The following MBNL2 variants were observed in gnomAD, a reference collection of about 807,000 sequenced individuals.
The protein encoded by MBNL2 is muscleblind like splicing regulator 2.
MBNL2 carries 17 observed loss-of-function variants against 41.9 expected under a neutral mutation model. The ratio of observed to expected loss-of-function variants is 0.41; its 90% CI spans 0.28 to 0.61. The LOEUF is 0.61. MBNL2 is among the 20% of genes least tolerant of loss of function. The pLI, the probability that MBNL2 is intolerant of heterozygous loss-of-function variation, is 0.35. For missense variants in MBNL2, 336 were observed against 505.6 expected (o/e 0.66, Z 3.22); for synonymous variants, 195 against 182.9 (o/e 1.07, Z -0.53).
chr13:97,260,380 G>T (rs995582159), intron 1 of MBNL2, among the ~76,000 whole-genome samples: 1 of 152,218 alleles, frequency 6.6e-6, no homozygotes, highest in Non-Finnish European at 1.5e-5. Flanking sequence ...GGAGCCATTG[G>T]AGGTTCCTGG....
At chr13:97,180,077 A>T in the MBNL2 span, among the ~76,000 whole-genome samples, 235 of 152,360 alleles carry the variant, frequency 1.5e-3, 2 homozygotes, top group African/African-American at 5.5e-3. Flanking sequence ...GTGCAGATGG[A>T]AGATTACGGT....
rs957259163 is a variant in MBNL2, at chr13:97,240,865, T to G, written c.-605+18334T>G. Among the ~76,000 whole-genome samples the G allele has an allele frequency of 2.0e-5, 3 of 152,200 alleles. No homozygotes were observed. The South Asian group carries it at 6.2e-4, about 31-fold the overall frequency. On this transcript the variant is annotated intron_variant, in intron 1 of 8. Transcript: ENST00000679496. The stretch of plus-strand genomic sequence containing the variant: ...AACGAGCTCCGTGATAGGCCATGCC[T>G]TGAGCTGTTTTGGCACAGATAAAAT...
chr13:97,380,891 T>C (rs989928003), intron 8 of MBNL2, among the ~76,000 whole-genome samples: 1 of 152,090 alleles, frequency 6.6e-6, no homozygotes, highest in Non-Finnish European at 1.5e-5. Flanking sequence ...CTTAACTACT[T>C]ACCGCACTGC....
intron 8 of MBNL2, among the ~76,000 whole-genome samples, chr13:97,389,055 C>A (rs965247541): frequency 6.6e-6 from 1 of 152,136 alleles, no homozygotes; most frequent in Non-Finnish European, 1.5e-5. Context: ...GTTCAATAGT[C>A]CCAGGGCTCA....
intron 5 of MBNL2, among the ~76,000 whole-genome samples, chr13:97,356,527 T>C (rs1374732278): frequency 1.3e-5 from 2 of 152,350 alleles, no homozygotes; most frequent in Non-Finnish European, 2.9e-5. Flanking sequence ...CTCTCTTATA[T>C]GCTTTTAACT....
chr13:97,361,321 T>C (rs568887786), intron 7 of MBNL2, among the ~76,000 whole-genome samples: 2 of 152,136 alleles, frequency 1.3e-5, no homozygotes, highest in African/African-American at 4.8e-5. Flanking sequence ...AGCATCCCAG[T>C]TGGGACATGG....
chr13:97,300,322 ACTAT>A (rs544413475), intron 2 of MBNL2, among the ~76,000 whole-genome samples: 24 of 152,178 alleles, frequency 1.6e-4, no homozygotes, highest in Non-Finnish European at 3.4e-4. Context: ...TGGACAGCTA[ACTAT>A]CTTCTTCACC....
chr13:97,300,809 G>A (rs1436390869), intron 2 of MBNL2, among the ~76,000 whole-genome samples: 2 of 152,180 alleles, frequency 1.3e-5, no homozygotes, highest in Non-Finnish European at 2.9e-5. Context: ...TAATCTGGTA[G>A]GAATTATACC....
At chr13:97,318,275 A>G (rs2059221687) in intron 2 of MBNL2, among the ~76,000 whole-genome samples, 1 of 152,232 alleles carries the variant, frequency 6.6e-6, no homozygotes, top group Non-Finnish European at 1.5e-5. Context: ...TTATAACCAT[A>G]TGAATGTGTG....
At chr13:97,352,196 G>A (rs577543097) in intron 5 of MBNL2, among the ~76,000 whole-genome samples, 4 of 127,486 alleles carry the variant, frequency 3.1e-5, no homozygotes, top group African/African-American at 1.3e-4. Flanking sequence ...GTTCACTGGA[G>A]TAGCACTTTT....
chr13:97,242,940 G>A (rs1256194828), intron 1 of MBNL2, among the ~76,000 whole-genome samples: 1 of 152,168 alleles, frequency 6.6e-6, no homozygotes, highest in East Asian at 1.9e-4. Context: ...ACTGAGCAGG[G>A]CTCCGCACGC....
At position 97,347,017 on chromosome 13, in the gene MBNL2, A is replaced by T. The variant is rs2061936153; in HGVS notation, c.754A>T (p.Asn252Tyr). 2 of 1,613,030 alleles carry T rather than the reference A, an allele frequency of 1.2e-6. No homozygotes were observed. Among genetic ancestry groups the T allele is most frequent in the East Asian group, 2.2e-5 (1 of 44,846 alleles). Residue 252 changes from asparagine (N) to tyrosine (Y), a missense_variant, in exon 5 of 9, where the codon AAC (asparagine) becomes TAC (tyrosine). Transcript: ENST00000679496. ...AKIKAAQHQA[N>Y]QAAVAAQAAA... is the part of the protein sequence containing the mutation. ...AATCAAAGCTGCGCAGCACCAAGCC[A>T]ACCAAGCTGCGGTGGCCGCCCAGGC... is the stretch of plus-strand genomic sequence containing the variant.
chr13:97,248,845 C>A (rs1322866092), intron 1 of MBNL2, among the ~76,000 whole-genome samples: 1 of 152,036 alleles, frequency 6.6e-6, no homozygotes, highest in Non-Finnish European at 1.5e-5. Context: ...TTATTAGAAG[C>A]AATAATGAGC....
chr13:97,355,451 T>C (rs2062901440), intron 5 of MBNL2, among the ~76,000 whole-genome samples: 1 of 152,190 alleles, frequency 6.6e-6, no homozygotes. Context: ...CAAAGTTCTA[T>C]TTCAGAACTT....
chr13:97,248,779 G>A (rs867107599), intron 1 of MBNL2, among the ~76,000 whole-genome samples: 4 of 152,078 alleles, frequency 2.6e-5, no homozygotes, highest in East Asian at 1.9e-4. Flanking sequence ...TAAATGTAAT[G>A]TTCAAACTGT....
chr13:97,368,748 G>T (rs2064099714), intron 8 of MBNL2, among the ~76,000 whole-genome samples: 2 of 151,832 alleles, frequency 1.3e-5, no homozygotes, highest in Non-Finnish European at 2.9e-5. Context: ...GTATGTGTGT[G>T]TGTAGGGAGG....
chr13:97,197,444 T>C, the MBNL2 span, among the ~76,000 whole-genome samples: 1 of 152,242 alleles, frequency 6.6e-6, no homozygotes, highest in Non-Finnish European at 1.5e-5. Context: ...CTCAGTTTAA[T>C]GTTTATTCAT....
intron 2 of MBNL2, among the ~76,000 whole-genome samples, chr13:97,282,610 G>A (rs1360776903): frequency 6.6e-6 from 1 of 152,136 alleles, no homozygotes; most frequent in African/African-American, 2.4e-5. Context: ...AAATGCTTAA[G>A]TCAGTTTTAT....
chr13:97,168,560 C>T, the MBNL2 span, among the ~76,000 whole-genome samples: 1 of 152,050 alleles, frequency 6.6e-6, no homozygotes, highest in African/African-American at 2.4e-5. Context: ...TCCTGTGTCC[C>T]CACTGGAAAA....
Sources: gnomAD v4.1 joint callset for allele counts (sites outside exome capture counted in the v4.1 genomes callset) on GRCh38, gnomAD v4.1.1 for gene constraint, MANE v1.5 for transcripts, NCBI Gene and HGNC (gene_info 2026-07-23, HGNC 2026-07-21) for gene names.